Variants in FAF1 observed in about 807,000 individuals in gnomAD.
The protein encoded by FAF1 is Fas associated factor 1, also known as FAS-associated factor 1.
FAF1 carries 25 observed loss-of-function variants against 92.5 expected under a neutral mutation model. The observed-to-expected ratio is 0.27, with a 90% CI of 0.20 to 0.38. FAF1 has a LOEUF of 0.38. Among genes scored for constraint, FAF1 ranks in the 10% least tolerant of loss-of-function variants. The probability of loss-of-function intolerance (pLI) is 1.00; values close to 1 mark genes in which losing one functional copy is unlikely to be tolerated. For missense variants in FAF1, 636 were observed against 793.3 expected, an observed-to-expected ratio of 0.80 and a Z score of 2.38; for synonymous variants, 234 against 273.2, an observed-to-expected ratio of 0.86 and a Z score of 1.42.
intron 3 of FAF1, among the ~76,000 whole-genome samples, chr1:50,793,214 T>A (rs1450136358): frequency 6.6e-6 from 1 of 152,146 alleles, no homozygotes; most frequent in Non-Finnish European, 1.5e-5. Context: ...CTGGATTAAA[T>A]GAGGCATGGT....
chr1:50,604,715 T>G (rs1244777500), intron 8 of FAF1, among the ~76,000 whole-genome samples: 2 of 152,078 alleles, frequency 1.3e-5, no homozygotes, highest in African/African-American at 2.4e-5. Context: ...CCTTATTTTT[T>G]GTAGAGATGG....
intron 7 of FAF1, among the ~76,000 whole-genome samples, chr1:50,663,998 CTT>C (rs555597172): frequency 8.2e-4 from 106 of 128,692 alleles, no homozygotes; most frequent in Middle Eastern, 4.1e-3. Flanking sequence ...ATCTGTTAAT[CTT>C]TTTTTTTTTT....
chr1:50,689,921 C>CTCCATGTTT (rs1416335042), intron 7 of FAF1, among the ~76,000 whole-genome samples: 4 of 151,782 alleles, frequency 2.6e-5, no homozygotes, highest in Admixed American at 2.6e-4. Flanking sequence ...TAAACAGACT[C>CTCCATGTTT]TCCATGTTTA....
intron 6 of FAF1, among the ~76,000 whole-genome samples, chr1:50,708,104 G>A (rs1382761793): frequency 2.0e-5 from 3 of 152,156 alleles, no homozygotes; most frequent in Non-Finnish European, 2.9e-5. Flanking sequence ...CACAGCGCCC[G>A]GCCCGCCCCT....
chr1:50,614,826 C>T (rs371693133), intron 8 of FAF1, among the ~76,000 whole-genome samples: 19 of 128,860 alleles, frequency 1.5e-4, no homozygotes, highest in Middle Eastern at 4.6e-3. Flanking sequence ...GCCGCAACAG[C>T]GAAACTCCGT....
intron 2 of FAF1, among the ~76,000 whole-genome samples, chr1:50,802,807 AC>A (rs1305697574): frequency 6.6e-6 from 1 of 152,344 alleles, no homozygotes; most frequent in East Asian, 1.9e-4. Flanking sequence ...ACCCACAAAA[AC>A]AAAAAACACC....
Position 50,661,105 on chromosome 1 carries a change from G to C in FAF1, c.658-5577C>G, listed in dbSNP as rs373435438. Among the ~76,000 whole-genome samples the C allele has an allele frequency of 3.8e-4, 58 of 152,166 alleles. 4 individuals carry two copies. Among genetic ancestry groups the C allele is most frequent in the African/African-American group, 1.3e-3 (56 of 41,534 alleles). On this transcript the variant is annotated intron_variant, in intron 7 of 18. Transcript: ENST00000396153. ...AAAAATGGCAAATAATTTCACATGAGAAATAAAGATAATAAGCATTTTAGT... is the reference window on the plus strand; with the variant it reads ...AAAAATGGCAAATAATTTCACATGACAAATAAAGATAATAAGCATTTTAGT...
chr1:50,633,284 G>A (rs2124215185), intron 8 of FAF1, among the ~76,000 whole-genome samples: 1 of 152,284 alleles, frequency 6.6e-6, no homozygotes, highest in East Asian at 1.9e-4. Context: ...ACATATGGTT[G>A]GCGAACATGT....
Position 50,841,360 on chromosome 1 carries a change from A to G in FAF1, c.114+16569T>C, listed in dbSNP as rs189448465. ...AATTGGTATGTATGTACACATGCTTATATATAGATCCCAGGAAGAAAAAAA... is the reference window on the plus strand; with the variant it reads ...AATTGGTATGTATGTACACATGCTTGTATATAGATCCCAGGAAGAAAAAAA... On this transcript the variant is annotated intron_variant, in intron 2 of 18. Coordinates refer to ENST00000396153, the MANE Select transcript of FAF1 (RefSeq NM_007051.3). Among the ~76,000 whole-genome samples the G allele has an allele frequency of 2.0e-5, 3 of 152,170 alleles. No homozygotes were observed. The East Asian group carries it at 5.8e-4, about 29-fold the overall frequency.
chr1:50,722,173 A>G (rs1296886991), intron 6 of FAF1, among the ~76,000 whole-genome samples: 2 of 152,144 alleles, frequency 1.3e-5, no homozygotes, highest in African/African-American at 4.8e-5. Flanking sequence ...CCATTCACTT[A>G]AACAACTTAC....
intron 13 of FAF1, among the ~76,000 whole-genome samples, chr1:50,559,377 T>C (rs1649758648): frequency 6.6e-6 from 1 of 152,240 alleles, no homozygotes; most frequent in Admixed American, 6.5e-5. Flanking sequence ...CATTCTCCCT[T>C]TCCTTTTTTC....
In FAF1 at chr1:50,439,750, T is replaced by G. The variant is rs1646151935; in HGVS notation, c.*1690A>C. 6.6e-6 allele frequency: 1 copy of G among 152,120 alleles called. No individual in the cohort carries two copies. Among genetic ancestry groups the G allele is most frequent in the South Asian group, 2.1e-4 (1 of 4,830 alleles). The allele number at this position is 152,120 out of a possible 1,614,324, so 9.4% of individuals were successfully genotyped here. ...ATCTGTAGCACTGGAAATGACTATC[T>G]TGTAGAGCCATTAGATTAGGAAGAT... is the stretch of plus-strand genomic sequence containing the variant. On this transcript the variant is annotated 3_prime_UTR_variant, in exon 19 of 19. Transcript: ENST00000396153.
chr1:50,906,912 C>A (rs767773140), intron 1 of FAF1, among the ~76,000 whole-genome samples: 57 of 152,162 alleles, frequency 3.7e-4, no homozygotes, highest in Non-Finnish European at 7.5e-4. Context: ...ACTTCCAACA[C>A]TATGTTGAAG....
chr1:50,879,075 G>A (rs771105185), intron 1 of FAF1, among the ~76,000 whole-genome samples: 18 of 152,056 alleles, frequency 1.2e-4, no homozygotes, highest in Non-Finnish European at 1.5e-4. Flanking sequence ...GTGAAACCCC[G>A]TCTCTCCTAG....
chr1:50,586,190 T>G (rs1473356150), intron 9 of FAF1, among the ~76,000 whole-genome samples: 3 of 152,152 alleles, frequency 2.0e-5, no homozygotes. Flanking sequence ...TAGGGTTTCC[T>G]CCCTCCCCTA....
intron 8 of FAF1, among the ~76,000 whole-genome samples, chr1:50,639,231 C>G (rs1654206358): frequency 6.6e-6 from 1 of 152,106 alleles, no homozygotes; most frequent in Admixed American, 6.6e-5. Flanking sequence ...TGGGTTTTGT[C>G]TACTATAAAT....
At chr1:50,747,241 A>C (rs1659669005) in intron 4 of FAF1, among the ~76,000 whole-genome samples, 1 of 152,164 alleles carries the variant, frequency 6.6e-6, no homozygotes, top group South Asian at 2.1e-4. Context: ...AGCTGGAGGC[A>C]CTCAACACCT....
At chr1:50,720,563 G>A (rs1658367124) in intron 6 of FAF1, among the ~76,000 whole-genome samples, 1 of 152,172 alleles carries the variant, frequency 6.6e-6, no homozygotes, top group African/African-American at 2.4e-5. Context: ...ACTTTGGTAT[G>A]CTGCTTACTT....
chr1:50,745,418 G>T (rs1436943696), intron 4 of FAF1, among the ~76,000 whole-genome samples: 1 of 152,204 alleles, frequency 6.6e-6, no homozygotes, highest in Non-Finnish European at 1.5e-5. Context: ...AAAAAATGTT[G>T]ATATGGTTTG....
Sources: gnomAD v4.1 joint callset for allele counts (sites outside exome capture counted in the v4.1 genomes callset) on GRCh38, gnomAD v4.1.1 for gene constraint, MANE v1.5 for transcripts, NCBI Gene and HGNC (gene_info 2026-07-23, HGNC 2026-07-21) for gene names.